The following ZNF676 variants were observed in gnomAD, a reference collection of about 807,000 sequenced individuals.
ZNF676 encodes zinc finger protein 676.
A neutral mutation model predicts 6.0 loss-of-function variants in ZNF676; 4 were observed. The observed-to-expected ratio is 0.67, with a 90% CI of 0.33 to 1.53. The LOEUF is 1.53. ZNF676 is among the 40% of genes most tolerant of loss of function. The pLI is 0.06. For missense variants in ZNF676, 644 were observed against 679.7 expected (o/e 0.95, Z 0.58); for synonymous variants, 198 against 223.1 (o/e 0.89, Z 1.00).
chr19:22,184,995 C>G (rs1162720513), intron 2 of ZNF676, among the ~76,000 whole-genome samples: 2 of 152,148 alleles, frequency 1.3e-5, no homozygotes, highest in African/African-American at 2.4e-5. Flanking sequence ...AGTGCATCTA[C>G]CAGCACAGCG....
the ZNF676 span, among the ~76,000 whole-genome samples, chr19:22,229,658 G>T: frequency 1.3e-5 from 2 of 151,346 alleles, no homozygotes; most frequent in African/African-American, 4.8e-5. Flanking sequence ...ATTTACAAGA[G>T]AAAAGCAACC....
At position 22,208,893 on chromosome 19, in the gene ZNF676, A is replaced by G. The variant is rs572701368; in HGVS notation, c.3+6739T>C. 4.6e-5 allele frequency among the ~76,000 whole-genome samples: 7 copies of G among 152,300 alleles called. No individual in the cohort carries two copies. In the East Asian group the frequency reaches 1.2e-3, roughly 25 times the overall value. Reference sequence around the variant, plus strand: ...AGTGGGTGAGTTTCAGCGAGCCAAGATCACACCACTGCACTGCAGCCTGGG... The same window carrying G: ...AGTGGGTGAGTTTCAGCGAGCCAAGGTCACACCACTGCACTGCAGCCTGGG... On this transcript the variant is annotated intron_variant, in intron 1 of 3. Transcript: ENST00000650058.
At chr19:22,249,347 T>A in the ZNF676 span, among the ~76,000 whole-genome samples, 1 of 152,076 alleles carries the variant, frequency 6.6e-6, no homozygotes, top group African/African-American at 2.4e-5. Flanking sequence ...ATTAAGCTTG[T>A]AAAAAAAATT....
intron 1 of ZNF676, among the ~76,000 whole-genome samples, chr19:22,207,767 G>C (rs2024090314): frequency 6.6e-6 from 1 of 152,098 alleles, no homozygotes. Flanking sequence ...CAATGCAACA[G>C]AATAGGGAGC....
chr19:22,210,514 T>G (rs954786308), intron 1 of ZNF676, among the ~76,000 whole-genome samples: 4 of 151,858 alleles, frequency 2.6e-5, no homozygotes, highest in African/African-American at 9.7e-5. Flanking sequence ...CCCCAAAAAG[T>G]CAAATGGAAG....
chr19:22,222,287 G>A, the ZNF676 span, among the ~76,000 whole-genome samples: 1 of 152,064 alleles, frequency 6.6e-6, no homozygotes, highest in South Asian at 2.1e-4. Flanking sequence ...GTGTTTTTTA[G>A]TAGAAACAAG....
chr19:22,251,210 T>C, the ZNF676 span, among the ~76,000 whole-genome samples: 4 of 152,256 alleles, frequency 2.6e-5, no homozygotes, highest in Non-Finnish European at 4.4e-5. Context: ...GAAAAATAAT[T>C]ATTTTTGCTG....
chr19:22,258,988 G>A, the ZNF676 span, among the ~76,000 whole-genome samples: 1 of 152,150 alleles, frequency 6.6e-6, no homozygotes, highest in Non-Finnish European at 1.5e-5. Flanking sequence ...CCTGCACGCT[G>A]GGTGTCCTTA....
At chr19:22,238,440 C>T in the ZNF676 span, among the ~76,000 whole-genome samples, 1 of 152,110 alleles carries the variant, frequency 6.6e-6, no homozygotes, top group African/African-American at 2.4e-5. Flanking sequence ...ACATAACTCT[C>T]TAAACAGTTC....
At chr19:22,224,668 A>T in the ZNF676 span, among the ~76,000 whole-genome samples, 1 of 152,208 alleles carries the variant, frequency 6.6e-6, no homozygotes, top group Non-Finnish European at 1.5e-5. Context: ...AACAGATAAC[A>T]TAAAATTGAT....
chr19:22,213,704 T>C (rs532728223), intron 1 of ZNF676, among the ~76,000 whole-genome samples: 1 of 151,804 alleles, frequency 6.6e-6, no homozygotes, highest in East Asian at 1.9e-4. Context: ...TCCATACCTC[T>C]GGTTGTCTTA....
At chr19:22,253,730 C>T in the ZNF676 span, among the ~76,000 whole-genome samples, 1 of 151,884 alleles carries the variant, frequency 6.6e-6, no homozygotes, top group Non-Finnish European at 1.5e-5. Context: ...AAACTGTGGG[C>T]TGTGTCAATG....
At chr19:22,240,548 C>A in the ZNF676 span, among the ~76,000 whole-genome samples, 5 of 151,918 alleles carry the variant, frequency 3.3e-5, no homozygotes, top group Non-Finnish European at 2.9e-5. Context: ...AATCCCAGCA[C>A]TCTGGGAGGC....
In ZNF676 at chr19:22,196,845, A is replaced by C; in HGVS notation, c.-212T>G. The C allele has an allele frequency of 1.1e-6, 1 of 928,368 alleles. No individual in the cohort carries two copies. Among genetic ancestry groups the C allele is most frequent in the South Asian group, 1.7e-5 (1 of 60,444 alleles). 57.5% of individuals were successfully genotyped at this position (928,368 alleles called of 1,614,324 possible). A position where few individuals can be genotyped will look rare whatever the true frequency, so the allele number is the denominator to read the frequency against. On this transcript the variant is annotated 5_prime_UTR_variant, in exon 1 of 3. Coordinates refer to ENST00000397121, the MANE Select transcript of ZNF676 (RefSeq NM_001001411.3). ...TGGTTCTGACTTATATGAATGACTG[A>C]AATTATTCAATAAAATAGTTTTCAA...
At chr19:22,195,624 C>T (rs2023959278) in intron 1 of ZNF676, among the ~76,000 whole-genome samples, 1 of 152,300 alleles carries the variant, frequency 6.6e-6, no homozygotes, top group Non-Finnish European at 1.5e-5. Context: ...ATAAAATTAA[C>T]ACTGAGTTAT....
At chr19:22,244,615 G>A in the ZNF676 span, 151,877 of 152,298 alleles carry the variant, frequency 1, 75,731 homozygotes, top group Non-Finnish European at 1. Context: ...CCTGGTGGCC[G>A]AGCCCAGTGA....
the ZNF676 span, among the ~76,000 whole-genome samples, chr19:22,248,445 C>CT: frequency 1.3e-5 from 2 of 152,158 alleles, no homozygotes; most frequent in African/African-American, 4.8e-5. Context: ...TGTAACAAAC[C>CT]TGCACGTTGT....
Position 22,179,124 on chromosome 19 carries a change from T to C in ZNF676, c.*826A>G, listed in dbSNP as rs2023690638. 6.4e-6 allele frequency: 1 copy of C among 155,070 alleles called. No individual in the cohort carries two copies. Among genetic ancestry groups the C allele is most frequent in the Admixed American group, 6.3e-5 (1 of 15,856 alleles). 9.6% of individuals were successfully genotyped at this position (155,070 alleles called of 1,614,324 possible). ...GCCACATTGTTTATTCTAGTAGTTT[T>C]CTCCAGTATATTATCTTACCTACAA... On this transcript the variant is annotated 3_prime_UTR_variant, in exon 3 of 3. Coordinates refer to ENST00000397121, the MANE Select transcript of ZNF676 (RefSeq NM_001001411.3).
At chr19:22,249,460 T>C in the ZNF676 span, among the ~76,000 whole-genome samples, 1 of 152,340 alleles carries the variant, frequency 6.6e-6, no homozygotes, top group African/African-American at 2.4e-5. Flanking sequence ...TTGCCCAAGC[T>C]GGAGTGCAGT....
Sources: gnomAD v4.1 joint callset for allele counts (sites outside exome capture counted in the v4.1 genomes callset) on GRCh38, gnomAD v4.1.1 for gene constraint, MANE v1.5 for transcripts, NCBI Gene and HGNC (gene_info 2026-07-23, HGNC 2026-07-21) for gene names.